Variants in FBXL7 observed in about 807,000 individuals in gnomAD.
FBXL7 encodes the protein F-box/LRR-repeat protein 7.
In FBXL7, 12 loss-of-function variants were observed where a neutral mutation model predicts 38.3. The observed-to-expected ratio is 0.31, with a 90% CI of 0.20 to 0.51. The LOEUF (loss-of-function observed/expected upper bound fraction) is 0.51, where lower values mean the gene tolerates loss of function less well. Ranked by LOEUF, FBXL7 falls within the 20% of genes least tolerant of loss-of-function variation. The pLI is 0.98. For synonymous variants in FBXL7, 297 were observed against 300.9 expected, an observed-to-expected ratio of 0.99 and a Z score of 0.13; for missense variants, 567 against 676.4, an observed-to-expected ratio of 0.84 and a Z score of 1.79.
intron 1 of FBXL7, among the ~76,000 whole-genome samples, chr5:15,555,587 A>G (rs1370434156): frequency 6.6e-6 from 1 of 151,750 alleles, no homozygotes; most frequent in Non-Finnish European, 1.5e-5. Flanking sequence ...CTGTCACACA[A>G]TTGTGTTCAG....
chr5:15,675,779 A>G (rs1742634135), intron 2 of FBXL7, among the ~76,000 whole-genome samples: 1 of 152,222 alleles, frequency 6.6e-6, no homozygotes, highest in Non-Finnish European at 1.5e-5. Context: ...TAATAGGACC[A>G]TTCATTTTAT....
intron 2 of FBXL7, among the ~76,000 whole-genome samples, chr5:15,830,413 G>A (rs1268826383): frequency 3.3e-5 from 5 of 151,848 alleles, no homozygotes; most frequent in Non-Finnish European, 7.4e-5. Flanking sequence ...GAACCTGGGA[G>A]GCAGAGGTTG....
chr5:15,920,588 TC>T (rs1741714494), intron 2 of FBXL7, among the ~76,000 whole-genome samples: 3 of 152,042 alleles, frequency 2.0e-5, no homozygotes, highest in Admixed American at 1.3e-4. Context: ...TGGCTCAATC[TC>T]GGCTCACTGC....
At position 15,505,942 on chromosome 5, in the gene FBXL7, A is replaced by G. The variant is rs1269677076; in HGVS notation, c.37+5229A>G. 7.9e-5 allele frequency among the ~76,000 whole-genome samples: 12 copies of G among 152,194 alleles called. No homozygotes were observed. The East Asian group carries it at 1.5e-3, about 20-fold the overall frequency. ...CGGAACGTTTCTGTCCATTTCTTCA[A>G]CCCTCAAATTTAATTCCATCTTAAT... On this transcript the variant is annotated intron_variant, in intron 1 of 3. Coordinates refer to ENST00000504595, the MANE Select transcript of FBXL7 (RefSeq NM_012304.5).
chr5:15,579,612 C>T (rs1739073360), intron 1 of FBXL7, among the ~76,000 whole-genome samples: 1 of 152,148 alleles, frequency 6.6e-6, no homozygotes, highest in South Asian at 2.1e-4. Flanking sequence ...TTGCCACATT[C>T]CAGACAACCT....
At chr5:15,922,612 C>T (rs1433848494) in intron 2 of FBXL7, among the ~76,000 whole-genome samples, 1 of 152,084 alleles carries the variant, frequency 6.6e-6, no homozygotes. Context: ...TAATTTAATT[C>T]CAGATAGAAG....
intron 1 of FBXL7, among the ~76,000 whole-genome samples, chr5:15,593,245 A>G (rs1406087590): frequency 6.6e-6 from 1 of 151,888 alleles, no homozygotes; most frequent in Non-Finnish European, 1.5e-5. Context: ...AGGCCTGGGC[A>G]GGGTGCAGTG....
At chr5:15,806,770 G>C (rs931088057) in intron 2 of FBXL7, among the ~76,000 whole-genome samples, 23 of 152,262 alleles carry the variant, frequency 1.5e-4, no homozygotes, top group African/African-American at 5.5e-4. Flanking sequence ...CGTATAGCTA[G>C]AAGTACCTCT....
chr5:15,934,153 C>A (rs1158796568), intron 3 of FBXL7, among the ~76,000 whole-genome samples: 1 of 152,108 alleles, frequency 6.6e-6, no homozygotes, highest in Non-Finnish European at 1.5e-5. Flanking sequence ...TACAGGCATG[C>A]ACCACCATAC....
chr5:15,847,505 C>T (rs756363342), intron 2 of FBXL7, among the ~76,000 whole-genome samples: 8 of 152,106 alleles, frequency 5.3e-5, no homozygotes. Flanking sequence ...GGGGACAAGC[C>T]AAACCATATC....
chr5:15,834,964 T>C (rs997919709), intron 2 of FBXL7, among the ~76,000 whole-genome samples: 1 of 152,250 alleles, frequency 6.6e-6, no homozygotes, highest in Admixed American at 6.5e-5. Flanking sequence ...AGAAGCTATG[T>C]GTTAATCACA....
chr5:15,642,553 A>C (rs527412066), intron 2 of FBXL7, among the ~76,000 whole-genome samples: 1 of 152,302 alleles, frequency 6.6e-6, no homozygotes, highest in South Asian at 2.1e-4. Context: ...CCTTACACCA[A>C]AACCCAAACC....
At position 15,936,119 on chromosome 5, in the gene FBXL7, C is replaced by G. The variant is rs552449662; in HGVS notation, c.740-331C>G. On this transcript the variant is annotated intron_variant, in intron 3 of 3. Coordinates refer to ENST00000504595, the MANE Select transcript of FBXL7 (RefSeq NM_012304.5). The surrounding 1 kb of genome is among the most constrained non-coding windows in gnomAD (Gnocchi z 6.0). ...CCAGCTGCCTCCCAGGGAATGGGAT[C>G]CTCCCTATTTTAAGACAAAGGAAAT... Among the ~76,000 whole-genome samples the G allele has an allele frequency of 1.3e-5, 2 of 152,306 alleles. No homozygotes were observed. The highest frequency in any genetic ancestry group is 3.9e-4 in the East Asian group (2 of 5,178).
At chr5:15,924,391 G>C (rs1741824402) in intron 2 of FBXL7, among the ~76,000 whole-genome samples, 1 of 152,208 alleles carries the variant, frequency 6.6e-6, no homozygotes, top group Non-Finnish European at 1.5e-5. Flanking sequence ...AACAAGGAAA[G>C]GATGTAATCC....
intron 2 of FBXL7, among the ~76,000 whole-genome samples, chr5:15,850,217 C>T (rs1739050907): frequency 6.6e-6 from 1 of 152,140 alleles, no homozygotes. Context: ...TAAGGCAATC[C>T]AAGCAACAAT....
At chr5:15,538,627 TA>T (rs1737653395) in intron 1 of FBXL7, among the ~76,000 whole-genome samples, 1 of 152,306 alleles carries the variant, frequency 6.6e-6, no homozygotes, top group East Asian at 1.9e-4. Flanking sequence ...CTCAGAATAT[TA>T]ATGGCAAATG....
chr5:15,848,304 TA>T (rs148747683), intron 2 of FBXL7, among the ~76,000 whole-genome samples: 39 of 149,286 alleles, frequency 2.6e-4, no homozygotes, highest in African/African-American at 4.6e-4. Context: ...CTACCTTTCT[TA>T]AAAAAAAAAC....
chr5:15,600,448 C>G (rs1739757222), intron 1 of FBXL7, among the ~76,000 whole-genome samples: 1 of 152,182 alleles, frequency 6.6e-6, no homozygotes, highest in South Asian at 2.1e-4. Flanking sequence ...CTGGAGTCCC[C>G]TTGACCAAGA....
chr5:15,788,603 GGTCCTATGCCCT>G (rs1385001530), intron 2 of FBXL7, among the ~76,000 whole-genome samples: 1 of 152,048 alleles, frequency 6.6e-6, no homozygotes, highest in Non-Finnish European at 1.5e-5. Context: ...AGCTTCTGTA[GGTCCTATGCCCT>G]TTGCTGGAAA....
Sources: allele counts gnomAD v4.1 joint callset (sites outside exome capture counted in the v4.1 genomes callset), GRCh38; gene constraint gnomAD v4.1.1; non-coding constraint Gnocchi (gnomAD v3.1); transcripts MANE v1.5; gene names NCBI Gene and HGNC (gene_info 2026-07-23, HGNC 2026-07-21).